MAP1LC3B2: variants seen among roughly 807,000 people sequenced by gnomAD.
MAP1LC3B2 encodes the protein microtubule-associated protein 1 light chain 3 beta 2.
For synonymous variants in MAP1LC3B2, 62 were observed against 57.8 expected (o/e 1.07, Z -0.33); for missense variants, 155 against 154.6 (o/e 1.00, Z -0.01).
chr12:116,568,986 C>T lies in MAP1LC3B2; in HGVS notation c.-101-6856C>T, dbSNP rs552833631. ...GCCATTCTCCTGCCTCAGCCTCCTG[C>T]GTACCTGGGATTACAGGCACCCACC... On this transcript the variant is annotated intron_variant, in intron 1 of 1. Transcript: ENST00000556529. Among the ~76,000 whole-genome samples the T allele has an allele frequency of 7.5e-4, 114 of 151,462 alleles. 1 individual carries two copies. Among genetic ancestry groups the T allele is most frequent in the African/African-American group, 2.5e-3 (103 of 41,254 alleles).
chr12:116,568,809 G>C (rs1215467422), intron 1 of MAP1LC3B2, among the ~76,000 whole-genome samples: 22 of 151,876 alleles, frequency 1.4e-4, no homozygotes, highest in African/African-American at 5.3e-4. Context: ...CCAGACACTG[G>C]CACCCTGATA....
chr12:116,573,697 A>G (rs1322393230), intron 1 of MAP1LC3B2, among the ~76,000 whole-genome samples: 1 of 151,962 alleles, frequency 6.6e-6, no homozygotes, highest in African/African-American at 2.4e-5. Flanking sequence ...TTGTGTTTTT[A>G]GTAGAGATGG....
In MAP1LC3B2 at chr12:116,576,252, G is replaced by A. The variant is rs776830400; in HGVS notation, c.310G>A (p.Asp104Asn). 3.1e-6 allele frequency: 5 copies of A among 1,614,034 alleles called. No homozygotes were observed. In the South Asian group the frequency reaches 5.5e-5, roughly 18 times the overall value. The change falls in exon 2 of 2, where the codon GAT becomes AAT. Residue 104 changes from aspartate (D) to asparagine (N), a missense_variant. Asp to Asn is a conservative substitution (Grantham distance 23). Transcript: ENST00000556529. Reference sequence around the variant, plus strand: ...CTCAGAGGTGTATGAGAGTGAGAAAGATGAAGATGGATTCCTGTACATGGT... The same window carrying A: ...CTCAGAGGTGTATGAGAGTGAGAAAAATGAAGATGGATTCCTGTACATGGT... Reference protein sequence around the residue: ...PISEVYESEKDEDGFLYMVCA... With the variant: ...PISEVYESEKNEDGFLYMVCA...
At chr12:116,569,294 G>A (rs1182051884) in intron 1 of MAP1LC3B2, among the ~76,000 whole-genome samples, 1 of 152,108 alleles carries the variant, frequency 6.6e-6, no homozygotes, top group Admixed American at 6.5e-5. Flanking sequence ...TGATGCTGAA[G>A]AGACCTAAAC....
At chr12:116,559,939 A>G (rs1309678416) in intron 1 of MAP1LC3B2, 1 of 151,978 alleles carries the variant, frequency 6.6e-6, no homozygotes, top group Non-Finnish European at 1.5e-5. Flanking sequence ...AGAATCCCAC[A>G]GCCGCTCACC....
Position 116,575,970 on chromosome 12 carries a change from C to T in MAP1LC3B2, c.28C>T (p.Arg10Trp), listed in dbSNP as rs773841501. 1.2e-6 allele frequency: 2 copies of T among 1,614,072 alleles called. No homozygotes were observed. Among genetic ancestry groups the T allele is most frequent in the Admixed American group, 1.7e-5 (1 of 59,990 alleles). The change falls in exon 2 of 2, where the codon CGG (arginine) becomes TGG (tryptophan). Residue 10 changes from arginine to tryptophan, a missense_variant. By Grantham distance (101) the Arg-to-Trp change is moderately radical. Coordinates refer to ENST00000556529, the MANE Select transcript of MAP1LC3B2 (RefSeq NM_001085481.3). MPSEKTFKQ[R>W]RTFEQRVEDV... ...GCCGTCGGAGAAGACCTTCAAGCAGCGGCGCACCTTCGAACAAAGAGTAGA... is the reference window on the plus strand; with the variant it reads ...GCCGTCGGAGAAGACCTTCAAGCAGTGGCGCACCTTCGAACAAAGAGTAGA...
intron 1 of MAP1LC3B2, among the ~76,000 whole-genome samples, chr12:116,561,218 T>C (rs1869263640): frequency 6.6e-6 from 1 of 151,124 alleles, no homozygotes; most frequent in South Asian, 2.1e-4. Flanking sequence ...GAGGCTGCAG[T>C]GAGCTATGAT....
chr12:116,575,151 G>A (rs1209724151), intron 1 of MAP1LC3B2, among the ~76,000 whole-genome samples: 1 of 146,234 alleles, frequency 6.8e-6, no homozygotes, highest in African/African-American at 2.6e-5. Context: ...TTGCACTCCA[G>A]CCTGGGCAAC....
chr12:116,567,521 G>A (rs1869420606), intron 1 of MAP1LC3B2, among the ~76,000 whole-genome samples: 1 of 150,984 alleles, frequency 6.6e-6, no homozygotes. Flanking sequence ...GCCGACGTGG[G>A]TGGATCACTT....
At chr12:116,574,850 A>G (rs1189487493) in intron 1 of MAP1LC3B2, among the ~76,000 whole-genome samples, 1 of 151,936 alleles carries the variant, frequency 6.6e-6, no homozygotes, top group Non-Finnish European at 1.5e-5. Flanking sequence ...ATATTTAAAT[A>G]TAATACATCT....
At chr12:116,564,227 G>A (rs1339992043) in intron 1 of MAP1LC3B2, among the ~76,000 whole-genome samples, 1 of 152,026 alleles carries the variant, frequency 6.6e-6, no homozygotes, top group East Asian at 1.9e-4. Context: ...ATATTGACTG[G>A]TATTTTTCAT....
intron 1 of MAP1LC3B2, among the ~76,000 whole-genome samples, chr12:116,573,695 T>G (rs1184859372): frequency 6.6e-6 from 1 of 152,084 alleles, no homozygotes; most frequent in Non-Finnish European, 1.5e-5. Context: ...TTTTGTGTTT[T>G]TAGTAGAGAT....
rs1869215073 is a variant in MAP1LC3B2 at position 116,560,179 on chromosome 12, T to A, written c.-102+746T>A. 18 of 131,274 alleles carry A rather than the reference T, an allele frequency of 1.4e-4. No homozygotes were observed. In the South Asian group the frequency reaches 4.1e-3, roughly 30 times the overall value. 8.1% of individuals were successfully genotyped at this position (131,274 alleles called of 1,614,324 possible). ...CCCAGCAACGGCTCTGAAATAAAGC[T>A]AAGTTTGGCTATATATATATATATA... On this transcript the variant is annotated intron_variant, in intron 1 of 1. Transcript: ENST00000556529.
intron 1 of MAP1LC3B2, among the ~76,000 whole-genome samples, chr12:116,574,880 T>G (rs1869627598): frequency 6.6e-6 from 1 of 151,908 alleles, no homozygotes; most frequent in Admixed American, 6.6e-5. Context: ...GGCTGGGAGA[T>G]AGCCCTGCAA....
intron 1 of MAP1LC3B2, among the ~76,000 whole-genome samples, chr12:116,572,913 T>C (rs536496912): frequency 8.9e-4 from 135 of 152,224 alleles, no homozygotes; most frequent in African/African-American, 3.0e-3. Flanking sequence ...CTCAATTCAA[T>C]TGTGGCGGAT....
At chr12:116,560,187 G>GATATATATAT (rs1869216084) in intron 1 of MAP1LC3B2, 1 of 81,508 alleles carries the variant, frequency 1.2e-5, no homozygotes. Context: ...GCTAAGTTTG[G>GATATATATAT]CTATATATAT....
At chr12:116,562,122 T>C (rs1406735365) in intron 1 of MAP1LC3B2, among the ~76,000 whole-genome samples, 1 of 152,200 alleles carries the variant, frequency 6.6e-6, no homozygotes, top group Non-Finnish European at 1.5e-5. Context: ...ATTCACTTTC[T>C]CTTGGTTCCA....
chr12:116,565,776 A>G (rs1869370441), intron 1 of MAP1LC3B2, among the ~76,000 whole-genome samples: 3 of 152,222 alleles, frequency 2.0e-5, no homozygotes, highest in Non-Finnish European at 2.9e-5. Context: ...CGATAGTGGG[A>G]GGACAGATTC....
intron 1 of MAP1LC3B2, among the ~76,000 whole-genome samples, chr12:116,560,307 G>A (rs1219711189): frequency 6.7e-6 from 1 of 149,724 alleles, no homozygotes; most frequent in East Asian, 2.0e-4. Flanking sequence ...GGAATGCAGT[G>A]GCGCGCTCTC....
Sources: gnomAD v4.1 joint callset for allele counts (sites outside exome capture counted in the v4.1 genomes callset) on GRCh38, gnomAD v4.1.1 for gene constraint, MANE v1.5 for transcripts, NCBI Gene and HGNC (gene_info 2026-07-23, HGNC 2026-07-21) for gene names.